Variants in NAA11 observed in about 807,000 individuals in gnomAD.
The protein encoded by NAA11 is N-alpha-acetyltransferase 11.
Under a neutral mutation model 16.1 loss-of-function variants are expected in NAA11, and 15 were observed. The ratio of observed to expected loss-of-function variants is 0.93; its 90% CI spans 0.62 to 1.44. The LOEUF (loss-of-function observed/expected upper bound fraction) is 1.44. NAA11 is among the 40% of genes most tolerant of loss of function. The pLI is 0.00. For missense variants in NAA11, 298 were observed against 291.3 expected (o/e 1.02, Z -0.17); for synonymous variants, 122 against 112.4 (o/e 1.09, Z -0.54).
chr4:79,229,802 C>G (rs1376660987), intron 2 of NAA11, among the ~76,000 whole-genome samples: 1 of 151,928 alleles, frequency 6.6e-6, no homozygotes. Flanking sequence ...TATTATATGA[C>G]TGCCTTGAGG....
chr4:79,215,846 A>G, the NAA11 span, among the ~76,000 whole-genome samples: 5 of 152,346 alleles, frequency 3.3e-5, no homozygotes, highest in Admixed American at 2.0e-4. Context: ...AAATGAATAC[A>G]TACAAATTAG....
chr4:79,229,500 T>G (rs192776548), intron 2 of NAA11, among the ~76,000 whole-genome samples: 1 of 152,096 alleles, frequency 6.6e-6, no homozygotes, highest in African/African-American at 2.4e-5. Flanking sequence ...CAACATCATC[T>G]TAGATACACA....
the NAA11 span, among the ~76,000 whole-genome samples, chr4:79,156,873 T>C: frequency 1.3e-5 from 2 of 152,172 alleles, no homozygotes; most frequent in African/African-American, 2.4e-5. Flanking sequence ...TTTTCACAAC[T>C]GTGGTAATGA....
At chr4:79,189,221 C>T in the NAA11 span, among the ~76,000 whole-genome samples, 1 of 148,086 alleles carries the variant, frequency 6.8e-6, no homozygotes, top group Non-Finnish European at 1.5e-5. Flanking sequence ...AGATAGGTGA[C>T]CTGAGAAACA....
intron 2 of NAA11, among the ~76,000 whole-genome samples, chr4:79,237,968 A>G (rs1406412384): frequency 6.6e-6 from 1 of 152,220 alleles, no homozygotes; most frequent in Non-Finnish European, 1.5e-5. Context: ...AAACAAAAAA[A>G]TCTTTTTAAA....
chr4:79,237,955 A>G (rs895464004), intron 2 of NAA11, among the ~76,000 whole-genome samples: 1 of 152,226 alleles, frequency 6.6e-6, no homozygotes, highest in African/African-American at 2.4e-5. Context: ...TAGGTCTTGC[A>G]TTAAACAAAA....
downstream of NAA11, among the ~76,000 whole-genome samples, chr4:79,312,227 T>G (rs1299941150): frequency 6.6e-6 from 1 of 152,252 alleles, no homozygotes. Flanking sequence ...ACTTTTAATT[T>G]GTGTACCAGC....
At chr4:79,205,884 A>AT in the NAA11 span, among the ~76,000 whole-genome samples, 1 of 151,566 alleles carries the variant, frequency 6.6e-6, no homozygotes, top group African/African-American at 2.4e-5. Flanking sequence ...TTCCCAGTAT[A>AT]TTTTTTGTCT....
the NAA11 span, among the ~76,000 whole-genome samples, chr4:79,209,505 C>T: frequency 5.3e-5 from 8 of 152,094 alleles, no homozygotes; most frequent in Non-Finnish European, 5.9e-5. Flanking sequence ...GAACACCCAA[C>T]CCAACTCCCC....
intron 2 of NAA11, among the ~76,000 whole-genome samples, chr4:79,293,291 C>A (rs1404795026): frequency 6.6e-6 from 1 of 152,138 alleles, no homozygotes; most frequent in Non-Finnish European, 1.5e-5. Context: ...GGGAAAGACT[C>A]TGATCTTCCC....
the NAA11 span, among the ~76,000 whole-genome samples, chr4:79,186,948 GAAAC>G: frequency 1.3e-5 from 2 of 152,184 alleles, no homozygotes; most frequent in East Asian, 3.8e-4. Context: ...TGCAGGCTTA[GAAAC>G]AAATTAAGTG....
At chr4:79,162,130 A>G in the NAA11 span, among the ~76,000 whole-genome samples, 2 of 152,020 alleles carry the variant, frequency 1.3e-5, no homozygotes, top group Non-Finnish European at 1.5e-5. Flanking sequence ...TACAATGTTT[A>G]TTGCTAGTAT....
chr4:79,261,368 A>G (rs980573299), intron 2 of NAA11, among the ~76,000 whole-genome samples: 1 of 152,186 alleles, frequency 6.6e-6, no homozygotes, highest in Non-Finnish European at 1.5e-5. Flanking sequence ...AATAGGCAAC[A>G]GTGTGAATTT....
At chr4:79,167,266 TATATAG>T in the NAA11 span, among the ~76,000 whole-genome samples, 74 of 119,292 alleles carry the variant, frequency 6.2e-4, no homozygotes, top group Admixed American at 1.1e-3. Flanking sequence ...TATATATATA[TATATAG>T]AGAGAGAGAG....
At chr4:79,276,898 A>T (rs180698695) in intron 2 of NAA11, among the ~76,000 whole-genome samples, 2 of 152,276 alleles carry the variant, frequency 1.3e-5, no homozygotes, top group Admixed American at 1.3e-4. Context: ...AGTTAGTAAA[A>T]ATGTAGATTG....
At chr4:79,246,265 A>C (rs555258915) in intron 2 of NAA11, among the ~76,000 whole-genome samples, 2 of 152,202 alleles carry the variant, frequency 1.3e-5, no homozygotes, top group South Asian at 4.2e-4. Flanking sequence ...CTGCCTAGGA[A>C]AACCAGAGAA....
exon 3 of NAA11, chr4:79,225,734 T>C (rs1427677798): frequency 1.3e-5 from 2 of 152,100 alleles, no homozygotes; most frequent in Non-Finnish European, 2.9e-5. Flanking sequence ...AGTCTTACTT[T>C]CTGCTCTTTG....
At chr4:79,241,964 T>C (rs1487526835) in intron 2 of NAA11, among the ~76,000 whole-genome samples, 1 of 152,222 alleles carries the variant, frequency 6.6e-6, no homozygotes, top group Non-Finnish European at 1.5e-5. Flanking sequence ...TGGCATGATG[T>C]TAAACATTGT....
chr4:79,278,246 T>TC (rs1722708374), intron 2 of NAA11, among the ~76,000 whole-genome samples: 1 of 152,114 alleles, frequency 6.6e-6, no homozygotes, highest in Non-Finnish European at 1.5e-5. Flanking sequence ...CCTGATCTTG[T>TC]CCCCTCAAAT....
Sources: gnomAD v4.1 joint callset for allele counts (sites outside exome capture counted in the v4.1 genomes callset) on GRCh38, gnomAD v4.1.1 for gene constraint, MANE v1.5 for transcripts, NCBI Gene and HGNC (gene_info 2026-07-23, HGNC 2026-07-21) for gene names.